EVC2: variants seen among roughly 807,000 people sequenced by gnomAD.
EVC2 encodes limbin.
In EVC2, 148 loss-of-function variants were observed where a neutral mutation model predicts 149.3. The observed-to-expected ratio is 0.99, with a 90% CI of 0.87 to 1.14. EVC2 has a LOEUF of 1.14. EVC2 is among the 50% of genes most tolerant of loss of function. The pLI, the probability that EVC2 is intolerant of heterozygous loss-of-function variation, is 0.00. For synonymous variants in EVC2, 776 were observed against 649.9 expected (o/e 1.19, Z -2.95); for missense variants, 1,854 against 1,627.3 (o/e 1.14, Z -2.40).
chr4:5,708,274 G>A lies in EVC2; in HGVS notation c.228+12C>T. The A allele has an allele frequency of 6.8e-7, 1 of 1,477,094 alleles. No individual in the cohort carries two copies. Among genetic ancestry groups the A allele is most frequent in the Non-Finnish European group, 8.9e-7 (1 of 1,119,442 alleles). The allele number at this position is 1,477,094 out of a possible 1,614,324, so 91.5% of individuals were successfully genotyped here. A position where few individuals can be genotyped will look rare whatever the true frequency, so the allele number is the denominator to read the frequency against. ...ACAGTCAGACCGGAGCCTGGGGTCGGGCCCTCCTTACCTGCGTGCTGCTCT... is the reference window on the plus strand; with the variant it reads ...ACAGTCAGACCGGAGCCTGGGGTCGAGCCCTCCTTACCTGCGTGCTGCTCT... On this transcript the variant is annotated intron_variant, in intron 1 of 21. Coordinates refer to ENST00000344408, the MANE Select transcript of EVC2 (RefSeq NM_147127.5).
At chr4:5,682,002 G>A (rs1720379208) in intron 6 of EVC2, among the ~76,000 whole-genome samples, 2 of 152,150 alleles carry the variant, frequency 1.3e-5, no homozygotes, top group Admixed American at 6.5e-5. Context: ...CCTTGGGCAA[G>A]GTATTAGCCT....
intron 16 of EVC2, among the ~76,000 whole-genome samples, chr4:5,593,625 G>C (rs1713051116): frequency 6.6e-6 from 1 of 152,206 alleles, no homozygotes; most frequent in South Asian, 2.1e-4. Context: ...CCGGTCTACA[G>C]CTCCCAGCGT....
chr4:5,580,925 G>A lies in EVC2; in HGVS notation c.3057+3698C>T, dbSNP rs115419749. On this transcript the variant is annotated intron_variant, in intron 17 of 21. Transcript: ENST00000344408. ...CCTTTGGTGTTGATCTTATGATAGT[G>A]AGTGAGTTGTAGTGAGATCTGGTTG... is the stretch of plus-strand genomic sequence containing the variant. Among the ~76,000 whole-genome samples, 526 of 152,234 alleles carry A rather than the reference G, an allele frequency of 3.5e-3. 4 individuals carry two copies. The highest frequency in any genetic ancestry group is 0.012 in the African/African-American group (509 of 41,508).
intron 1 of EVC2, among the ~76,000 whole-genome samples, chr4:5,699,653 A>AAAAAG (rs1363446201): frequency 6.6e-6 from 1 of 150,444 alleles, no homozygotes; most frequent in African/African-American, 2.4e-5. Context: ...AAAAAAAAAA[A>AAAAAG]AAAAAGAAAA....
At chr4:5,577,725 C>G (rs73794657) in intron 17 of EVC2, among the ~76,000 whole-genome samples, 10 of 152,270 alleles carry the variant, frequency 6.6e-5, no homozygotes, top group East Asian at 3.9e-4. Context: ...TTCTATCCCC[C>G]CCAAGCATTT....
At position 5,625,808 on chromosome 4, in the gene EVC2, C is replaced by T; in HGVS notation, c.1987G>A (p.Glu663Lys). The T allele has an allele frequency of 1.2e-6, 2 of 1,614,026 alleles. No homozygotes were observed. The highest frequency in any genetic ancestry group is 1.7e-6 in the Non-Finnish European group (2 of 1,180,008). ...KQKLDNDLKQ[E>K]KKKLHQKLIT... The stretch of plus-strand genomic sequence containing the variant: ...AATTTTTGGTGGAGCTTTTTCTTTT[C>T]CTGCTTTAAGTCATTGTCCAACTTC... Residue 663 changes from glutamate (E) to lysine (K), a missense_variant, in exon 13 of 22, where the codon GAA becomes AAA. Physicochemically the swap from Glu to Lys is moderately conservative, Grantham distance 56. Transcript: ENST00000344408. This position sits in a 1 kb window ranked among gnomAD's most constrained non-coding sequence, Gnocchi z 4.0.
chr4:5,654,957 G>T (rs1324837427), intron 9 of EVC2, among the ~76,000 whole-genome samples: 1 of 152,198 alleles, frequency 6.6e-6, no homozygotes, highest in Non-Finnish European at 1.5e-5. Flanking sequence ...GGTATTGAGA[G>T]GCTCCCTGCT....
chr4:5,702,013 C>T (rs1264658117), intron 1 of EVC2, among the ~76,000 whole-genome samples: 1 of 152,128 alleles, frequency 6.6e-6, no homozygotes, highest in Non-Finnish European at 1.5e-5. Flanking sequence ...ACACATCCGC[C>T]TGCCATCTAT....
intron 5 of EVC2, among the ~76,000 whole-genome samples, 159 bp from the exon 6 acceptor site, chr4:5,685,638 C>G (rs1720652755): frequency 6.6e-6 from 1 of 152,216 alleles, no homozygotes; most frequent in African/African-American, 2.4e-5. Flanking sequence ...TTGTATTGCA[C>G]ACAGCTGGGT....
rs756707642 is a variant in EVC2, at chr4:5,563,090, G to A, written c.3685C>T (p.Leu1229Phe). The A allele has an allele frequency of 1.2e-6, 2 of 1,614,072 alleles. No individual in the cohort carries two copies. Among genetic ancestry groups the A allele is most frequent in the Admixed American group, 1.7e-5 (1 of 60,022 alleles). Residue 1229 changes from leucine to phenylalanine, a missense_variant, in exon 22 of 22, where the codon CTC becomes TTC. Transcript: ENST00000344408. ...CCAGAGAATATCATCCTCTCTCTGA[G>A]AGGGAGACATGTCTTCTTTAATATG... is the stretch of plus-strand genomic sequence containing the variant. ...QSILKKTCLP[L>F]RERMIFSGKG...
chr4:5,650,671 A>T (rs4295208), intron 9 of EVC2, among the ~76,000 whole-genome samples: 3 of 102,460 alleles, frequency 2.9e-5, no homozygotes, highest in African/African-American at 3.8e-5. Context: ...AGAGAGAGAG[A>T]GCCATTTAAT....
chr4:5,650,671 A>AGAGAGAGAGCGC (rs35334619), intron 9 of EVC2, among the ~76,000 whole-genome samples: 2 of 102,462 alleles, frequency 2.0e-5, no homozygotes, highest in Admixed American at 1.1e-4. Context: ...AGAGAGAGAG[A>AGAGAGAGAGCGC]GCCATTTAAT....
At chr4:5,564,992 A>G (rs946849085) in intron 21 of EVC2, among the ~76,000 whole-genome samples, 3 of 152,272 alleles carry the variant, frequency 2.0e-5, no homozygotes, top group Non-Finnish European at 4.4e-5. Flanking sequence ...TTCTAATTAC[A>G]TTCCATTAAA....
At position 5,563,722 on chromosome 4, in the gene EVC2, T is replaced by C. The variant is rs112684173; in HGVS notation, c.3660-607A>G. ...AGCCATGGTGGGAATATTTACACCA[T>C]GGAAACTGGCAAATGCTACAAATCA... On this transcript the variant is annotated intron_variant, in intron 21 of 21. Coordinates refer to ENST00000344408, the MANE Select transcript of EVC2 (RefSeq NM_147127.5). Among the ~76,000 whole-genome samples, 159 of 152,176 alleles carry C rather than the reference T, an allele frequency of 1.0e-3. 1 individual carries two copies. Among genetic ancestry groups the C allele is most frequent in the African/African-American group, 3.7e-3 (154 of 41,538 alleles).
intron 9 of EVC2, among the ~76,000 whole-genome samples, chr4:5,643,897 TA>T (rs1223886462): frequency 6.6e-6 from 1 of 151,616 alleles, no homozygotes; most frequent in Non-Finnish European, 1.5e-5. Context: ...TGTCTCAAAA[TA>T]AAAAAAAATT....
At chr4:5,587,954 T>C (rs1712440418) in intron 16 of EVC2, among the ~76,000 whole-genome samples, 1 of 152,172 alleles carries the variant, frequency 6.6e-6, no homozygotes, top group Non-Finnish European at 1.5e-5. Context: ...TTTTTACTTC[T>C]TCTTTCTTTG....
chr4:5,578,021 C>A (rs1162645976), intron 17 of EVC2, among the ~76,000 whole-genome samples: 1 of 134,984 alleles, frequency 7.4e-6, no homozygotes, highest in Non-Finnish European at 1.5e-5. Context: ...ACCAGGAGAG[C>A]CCTGGTTAGG....
intron 14 of EVC2, among the ~76,000 whole-genome samples, chr4:5,620,219 C>G (rs1472799033): frequency 6.6e-6 from 1 of 152,172 alleles, no homozygotes; most frequent in East Asian, 1.9e-4. Context: ...TTGTGCAAGG[C>G]CTTTGCCCCG....
intron 16 of EVC2, among the ~76,000 whole-genome samples, chr4:5,605,232 C>T (rs1376653338): frequency 6.6e-6 from 1 of 152,202 alleles, no homozygotes; most frequent in Non-Finnish European, 1.5e-5. Flanking sequence ...TACTCATGCA[C>T]ATCACGCGCA....
Sources: allele counts gnomAD v4.1 joint callset (sites outside exome capture counted in the v4.1 genomes callset), GRCh38; gene constraint gnomAD v4.1.1; non-coding constraint Gnocchi (gnomAD v3.1); transcripts MANE v1.5; gene names NCBI Gene and HGNC (gene_info 2026-07-23, HGNC 2026-07-21).